Variants in ABTB3 observed in about 807,000 individuals in gnomAD.
ABTB3 encodes the protein ankyrin repeat- and BTB/POZ domain-containing protein 3.
chr12:107,425,387 T>C, the ABTB3 span, among the ~76,000 whole-genome samples: 2 of 152,174 alleles, frequency 1.3e-5, no homozygotes, highest in Admixed American at 1.3e-4. Context: ...GATTTCCTTG[T>C]GGGGTGAGGA....
the ABTB3 span, chr12:107,610,193 C>T: frequency 8.1e-6 from 13 of 1,614,036 alleles, no homozygotes; most frequent in Middle Eastern, 1.6e-4. Flanking sequence ...TCCTTAGGGC[C>T]GACGACTGCT....
chr12:107,518,760 A>T, the ABTB3 span, among the ~76,000 whole-genome samples: 8 of 152,212 alleles, frequency 5.3e-5, no homozygotes, highest in Admixed American at 5.2e-4. Flanking sequence ...ATAATAAAAA[A>T]TAAATAAATA....
the ABTB3 span, among the ~76,000 whole-genome samples, chr12:107,489,831 T>C: frequency 4.0e-4 from 61 of 152,194 alleles, no homozygotes; most frequent in African/African-American, 1.4e-3. Flanking sequence ...GTTACCATTA[T>C]GGCTCACTGC....
chr12:107,369,407 T>TTC, the ABTB3 span, among the ~76,000 whole-genome samples: 1 of 150,852 alleles, frequency 6.6e-6, no homozygotes, highest in Non-Finnish European at 1.5e-5. Context: ...TTTTTTTTTT[T>TTC]TTCTTTTTGA....
At chr12:107,573,814 G>A in the ABTB3 span, among the ~76,000 whole-genome samples, 5 of 152,226 alleles carry the variant, frequency 3.3e-5, no homozygotes, top group East Asian at 5.8e-4. Context: ...CCAACTGTTC[G>A]GATGAGGCCC....
At chr12:107,657,592 C>G in the ABTB3 span, 5 of 1,614,078 alleles carry the variant, frequency 3.1e-6, no homozygotes, top group Non-Finnish European at 4.2e-6. Context: ...ACGAAGCATT[C>G]AAGCAGCTCC....
chr12:107,519,935 G>A, the ABTB3 span, among the ~76,000 whole-genome samples: 2 of 152,158 alleles, frequency 1.3e-5, no homozygotes, highest in African/African-American at 4.8e-5. Flanking sequence ...CACCATACAA[G>A]TTACAAAAGC....
chr12:107,548,452 G>C, the ABTB3 span, among the ~76,000 whole-genome samples: 242 of 152,308 alleles, frequency 1.6e-3, 1 homozygote, highest in African/African-American at 5.7e-3. Context: ...TTGGAAGTAG[G>C]CCTGCATGCA....
the ABTB3 span, chr12:107,543,828 T>G: frequency 9.7e-7 from 1 of 1,032,510 alleles, no homozygotes; most frequent in East Asian, 2.6e-5. Context: ...ACCACTTTAT[T>G]TAAATAAGGG....
At chr12:107,617,773 T>C in the ABTB3 span, 1 of 361,952 alleles carries the variant, frequency 2.8e-6, no homozygotes, top group Non-Finnish European at 5.0e-6. Flanking sequence ...ACCTTTCATA[T>C]TTGGTGACTT....
chr12:107,319,432 C>T, the ABTB3 span: 1 of 1,607,092 alleles, frequency 6.2e-7, no homozygotes, highest in East Asian at 2.2e-5. Context: ...AGATCCAGAG[C>T]GCCATGGAGA....
chr12:107,319,244 C>T, the ABTB3 span: 1 of 1,563,228 alleles, frequency 6.4e-7, no homozygotes, highest in Non-Finnish European at 8.6e-7. Flanking sequence ...CTGGACTCTC[C>T]AGGAGCTGGA....
the ABTB3 span, among the ~76,000 whole-genome samples, chr12:107,609,010 T>TAA: frequency 5.7e-5 from 6 of 105,166 alleles, no homozygotes; most frequent in African/African-American, 3.6e-4. Context: ...TAAAATAAAA[T>TAA]AAAGACACAG....
chr12:107,428,550 C>T, the ABTB3 span, among the ~76,000 whole-genome samples: 1 of 152,188 alleles, frequency 6.6e-6, no homozygotes, highest in Admixed American at 6.5e-5. Flanking sequence ...GAGGGGTGCT[C>T]CACAGCCTCT....
the ABTB3 span, among the ~76,000 whole-genome samples, chr12:107,525,305 C>T: frequency 2.6e-4 from 24 of 91,590 alleles, no homozygotes; most frequent in South Asian, 1.1e-3. Context: ...CCAGCCTAGG[C>T]GACAGAGCAA....
the ABTB3 span, among the ~76,000 whole-genome samples, chr12:107,409,752 A>G: frequency 6.6e-6 from 1 of 152,190 alleles, no homozygotes; most frequent in African/African-American, 2.4e-5. Flanking sequence ...TGCACTCAGG[A>G]CTTAATACCT....
chr12:107,496,726 C>A, the ABTB3 span, among the ~76,000 whole-genome samples: 1 of 152,180 alleles, frequency 6.6e-6, no homozygotes, highest in Admixed American at 6.5e-5. Flanking sequence ...CTCACCCCAA[C>A]CCATGAGGTA....
chr12:107,426,851 A>G, the ABTB3 span, among the ~76,000 whole-genome samples: 1 of 151,244 alleles, frequency 6.6e-6, no homozygotes, highest in African/African-American at 2.4e-5. Context: ...AGTCCTCTCT[A>G]TTTCATCCAC....
chr12:107,465,254 C>T, the ABTB3 span, among the ~76,000 whole-genome samples: 1 of 152,176 alleles, frequency 6.6e-6, no homozygotes, highest in Non-Finnish European at 1.5e-5. Flanking sequence ...TTACAGCCCA[C>T]AACAACACAG....
Sources: allele counts gnomAD v4.1 joint callset (sites outside exome capture counted in the v4.1 genomes callset), GRCh38; gene constraint gnomAD v4.1.1; transcripts MANE v1.5; gene names NCBI Gene and HGNC (gene_info 2026-07-23, HGNC 2026-07-21).